The following RAD51B variants were observed in gnomAD, a reference collection of about 807,000 sequenced individuals.
RAD51B encodes DNA repair protein RAD51 homolog 2.
In RAD51B, 38 loss-of-function variants were observed where a neutral mutation model predicts 42.2. The ratio of observed to expected loss-of-function variants is 0.90; its 90% CI spans 0.70 to 1.18. The LOEUF (loss-of-function observed/expected upper bound fraction) is 1.18. Ranked by LOEUF, RAD51B falls within the 50% of genes most tolerant of loss-of-function variation. The probability of loss-of-function intolerance (pLI) is 0.00; values close to 1 mark genes in which losing one functional copy is unlikely to be tolerated. For missense variants in RAD51B, 373 were observed against 400.7 expected, an observed-to-expected ratio of 0.93 and a Z score of 0.59; for synonymous variants, 154 against 145.2, an observed-to-expected ratio of 1.06 and a Z score of -0.43.
At chr14:67,934,862 C>T (rs74475247) in intron 7 of RAD51B, among the ~76,000 whole-genome samples, 1 of 152,162 alleles carries the variant, frequency 6.6e-6, no homozygotes. Flanking sequence ...TGAGAAACCT[C>T]AGCAAGGTGT....
At chr14:67,884,259 C>G (rs1406232779) in intron 5 of RAD51B, among the ~76,000 whole-genome samples, 2 of 152,128 alleles carry the variant, frequency 1.3e-5, no homozygotes, top group African/African-American at 2.4e-5. Context: ...TTTTGTGAGG[C>G]CTTCAGCAAT....
intron 4 of RAD51B, among the ~76,000 whole-genome samples, chr14:67,853,300 G>T (rs2041885816): frequency 6.6e-6 from 1 of 152,172 alleles, no homozygotes; most frequent in Non-Finnish European, 1.5e-5. Context: ...CTTAAGCAGA[G>T]AACCTAGCCA....
At chr14:67,970,498 G>GT (rs960980088) in intron 7 of RAD51B, among the ~76,000 whole-genome samples, 46 of 146,884 alleles carry the variant, frequency 3.1e-4, no homozygotes, top group South Asian at 3.0e-3. Context: ...CCTTTTAGTT[G>GT]TTTTTTTTTT....
chr14:67,955,282 T>A (rs1345773826), intron 7 of RAD51B, among the ~76,000 whole-genome samples: 9 of 152,212 alleles, frequency 5.9e-5, no homozygotes, highest in Non-Finnish European at 1.0e-4. Context: ...GATGTACATA[T>A]CTTAGATCCA....
chr14:68,118,631 C>T (rs1420011385), intron 7 of RAD51B, among the ~76,000 whole-genome samples: 1 of 152,208 alleles, frequency 6.6e-6, no homozygotes, highest in African/African-American at 2.4e-5. Flanking sequence ...GTTGTGAGGA[C>T]AACACATCTG....
At chr14:68,047,442 G>A (rs1164125433) in intron 7 of RAD51B, among the ~76,000 whole-genome samples, 3 of 151,736 alleles carry the variant, frequency 2.0e-5, no homozygotes, top group Non-Finnish European at 1.5e-5. Flanking sequence ...ACCTTTTGTG[G>A]GAAATTCGAA....
intron 7 of RAD51B, among the ~76,000 whole-genome samples, chr14:67,923,627 T>A (rs958866938): frequency 2.4e-4 from 37 of 152,194 alleles, no homozygotes; most frequent in Non-Finnish European, 5.9e-5. Context: ...ATCCACTCGT[T>A]ATTGATGGGC....
At chr14:68,213,847 G>A (rs1190958711) in intron 7 of RAD51B, among the ~76,000 whole-genome samples, 1 of 152,092 alleles carries the variant, frequency 6.6e-6, no homozygotes, top group African/African-American at 2.4e-5. Context: ...AACCAAAGAG[G>A]AATATGAAGA....
downstream of RAD51B, among the ~76,000 whole-genome samples, chr14:68,613,603 A>G (rs544887301): frequency 3.2e-3 from 479 of 151,946 alleles, 4 homozygotes; most frequent in African/African-American, 0.011. Flanking sequence ...ACAGGAGCCC[A>G]CCACCACACC....
intron 7 of RAD51B, among the ~76,000 whole-genome samples, chr14:67,899,300 T>C (rs1202225075): frequency 1.3e-5 from 2 of 151,932 alleles, no homozygotes; most frequent in African/African-American, 4.8e-5. Flanking sequence ...CTGCCCACCT[T>C]GGCCTCCCAA....
intron 9 of RAD51B, among the ~76,000 whole-genome samples, chr14:68,458,510 T>C (rs1365254699): frequency 2.0e-5 from 3 of 152,082 alleles, no homozygotes; most frequent in Non-Finnish European, 4.4e-5. Context: ...TACTTTCTTA[T>C]ACTTTGGGAA....
chr14:68,397,574 T>A (rs2083961751), intron 8 of RAD51B, among the ~76,000 whole-genome samples: 1 of 152,206 alleles, frequency 6.6e-6, no homozygotes, highest in African/African-American at 2.4e-5. Context: ...TTGAAACTTG[T>A]GAGCTGCGAA....
intron 7 of RAD51B, among the ~76,000 whole-genome samples, chr14:67,943,995 TCAG>T (rs1358338282): frequency 1.3e-5 from 2 of 152,140 alleles, no homozygotes; most frequent in Non-Finnish European, 2.9e-5. Flanking sequence ...TCTCATTTCT[TCAG>T]CACTCTGGGA....
intron 8 of RAD51B, among the ~76,000 whole-genome samples, chr14:68,404,182 A>G (rs2084199108): frequency 6.6e-6 from 1 of 152,232 alleles, no homozygotes; most frequent in African/African-American, 2.4e-5. Context: ...CAGTTCACGT[A>G]TTTGATTTTT....
At chr14:68,189,041 T>A (rs2079212109) in intron 7 of RAD51B, among the ~76,000 whole-genome samples, 1 of 152,106 alleles carries the variant, frequency 6.6e-6, no homozygotes, top group Non-Finnish European at 1.5e-5. Context: ...GCTGCTATAG[T>A]TTAACTTACC....
chr14:67,835,272 A>G, intron 4 of RAD51B, 76 bp downstream of exon 4: 2 of 1,061,460 alleles, frequency 1.9e-6, no homozygotes, highest in Non-Finnish European at 2.9e-6. Context: ...TAGTTAAAAA[A>G]CATAAATTAT....
At chr14:68,388,483 G>C (rs141371045) in intron 8 of RAD51B, among the ~76,000 whole-genome samples, 1 of 152,158 alleles carries the variant, frequency 6.6e-6, no homozygotes, top group Non-Finnish European at 1.5e-5. Flanking sequence ...TGATTTAGTT[G>C]AGAAACACTG....
chr14:68,184,411 A>G (rs368409688), intron 7 of RAD51B, among the ~76,000 whole-genome samples: 2 of 151,784 alleles, frequency 1.3e-5, no homozygotes, highest in East Asian at 3.9e-4. Flanking sequence ...AATATTTTGT[A>G]TTCTTTTTTC....
At chr14:67,975,962 T>C (rs1364222800) in intron 7 of RAD51B, among the ~76,000 whole-genome samples, 2 of 152,238 alleles carry the variant, frequency 1.3e-5, no homozygotes, top group Non-Finnish European at 2.9e-5. Context: ...TTCCCTCATC[T>C]GTAATGCTTA....
Sources: allele counts gnomAD v4.1 joint callset (sites outside exome capture counted in the v4.1 genomes callset), GRCh38; gene constraint gnomAD v4.1.1; transcripts MANE v1.5; gene names NCBI Gene and HGNC (gene_info 2026-07-23, HGNC 2026-07-21).